FAM181A: variants seen among roughly 807,000 people sequenced by gnomAD.
FAM181A encodes the protein family with sequence similarity 181 member A.
FAM181A carries 7 observed loss-of-function variants against 16.3 expected under a neutral mutation model. That is an observed-to-expected ratio of 0.43 (90% CI 0.24 to 0.81). FAM181A has a LOEUF of 0.81. Among genes scored for constraint, FAM181A ranks in the 30% least tolerant of loss-of-function variants. The pLI is 0.24. For synonymous variants in FAM181A, 183 were observed against 164.9 expected (o/e 1.11, Z -0.84); for missense variants, 349 against 377.5 (o/e 0.92, Z 0.63).
At chr14:93,927,560 A>T in intron 1 of FAM181A, 106 bp downstream of exon 1, 1 of 1,285,736 alleles carries the variant, frequency 7.8e-7, no homozygotes, top group Non-Finnish European at 1.0e-6. Context: ...CCGAGGAGGC[A>T]TGAAATTGCT....
In FAM181A at chr14:93,928,423, G is replaced by A; in HGVS notation, c.138G>A (p.Lys46=). Residue 46 remains lysine (K), a synonymous_variant, in exon 2 of 2, where the codon AAG becomes AAA. Transcript: ENST00000556222. ...GCAAGTACCTGCAGAAGCAGCTCAA[G>A]CGCTTCTCCCAGAAGTATTCCCGGC... ...DHRKYLQKQL[K]RFSQKYSRLP... is the part of the protein sequence containing the mutation. 1 of 1,613,700 alleles carries A rather than the reference G, an allele frequency of 6.2e-7. No homozygotes were observed. The highest frequency in any genetic ancestry group is 8.5e-7 in the Non-Finnish European group (1 of 1,179,838).
At chr14:93,925,178 T>A, upstream of FAM181A, 1 of 1,135,072 alleles carries the variant, frequency 8.8e-7, no homozygotes, top group South Asian at 1.3e-5. Flanking sequence ...GACAGCTTCA[T>A]GAGCGGGCAG....
chr14:93,928,488 T>A lies in FAM181A; in HGVS notation c.203T>A (p.Leu68Gln). The A allele has an allele frequency of 6.2e-7, 1 of 1,610,016 alleles. No individual in the cohort carries two copies. The highest frequency in any genetic ancestry group is 8.5e-7 in the Non-Finnish European group (1 of 1,177,088). Reference protein sequence around the residue: ...GLPGRAAEPYLKRGSEDRPRR... With the variant: ...GLPGRAAEPYQKRGSEDRPRR... ...CCTGGCAGAGCTGCTGAGCCCTACC[T>A]GAAAAGGGGGTCTGAGGACCGGCCC... Residue 68 changes from leucine (L) to glutamine (Q), a missense_variant, in exon 2 of 2, where the codon CTG (leucine) becomes CAG (glutamine). Transcript: ENST00000556222.
intron 1 of FAM181A, chr14:93,927,724 G>A (rs1362206725): frequency 7.5e-6 from 8 of 1,065,388 alleles, no homozygotes; most frequent in Middle Eastern, 3.9e-4. Flanking sequence ...GGTGCTCCTC[G>A]TGCTGGGGGC....
chr14:93,925,632 A>G (rs952944700), upstream of FAM181A, among the ~76,000 whole-genome samples: 2 of 151,898 alleles, frequency 1.3e-5, no homozygotes, highest in African/African-American at 2.4e-5. Context: ...GCTCTCACCC[A>G]TGCAAAGGTT....
chr14:93,924,412 T>C (rs1239337201), upstream of FAM181A, among the ~76,000 whole-genome samples: 2 of 152,228 alleles, frequency 1.3e-5, no homozygotes, highest in East Asian at 3.8e-4. Flanking sequence ...TAATCCCCTC[T>C]CTGCCCAGAC....
chr14:93,924,760 G>A (rs1887840209), upstream of FAM181A, among the ~76,000 whole-genome samples: 1 of 152,248 alleles, frequency 6.6e-6, no homozygotes, highest in Non-Finnish European at 1.5e-5. Context: ...TGGCCAGGCA[G>A]ATCCAACTCA....
At position 93,929,509 on chromosome 14, in the gene FAM181A, A is replaced by G. The variant is rs912324676; in HGVS notation, c.*345A>G. 10 of 318,776 alleles carry G rather than the reference A, an allele frequency of 3.1e-5. No individual in the cohort carries two copies. The highest frequency in any genetic ancestry group is 5.7e-5 in the Non-Finnish European group (10 of 174,984). 19.7% of individuals were successfully genotyped at this position (318,776 alleles called of 1,614,324 possible). A position where few individuals can be genotyped will look rare whatever the true frequency, so the allele number is the denominator to read the frequency against. ...AGACGCATCTGTTTACCTGCCACCC[A>G]CTCTGCGAGCCAATCTCAGTTGTTG... On this transcript the variant is annotated 3_prime_UTR_variant, in exon 2 of 2. Coordinates refer to ENST00000556222, the MANE Select transcript of FAM181A (RefSeq NM_001207073.2).
At chr14:93,925,215 G>T, upstream of FAM181A, 1 of 1,535,506 alleles carries the variant, frequency 6.5e-7, no homozygotes. Flanking sequence ...AGGGCTGCAG[G>T]TGCCGTGGGA....
chr14:93,924,133 C>G (rs1015372883), upstream of FAM181A: 5 of 152,204 alleles, frequency 3.3e-5, no homozygotes, highest in African/African-American at 1.2e-4. Context: ...TAGTAAGAAG[C>G]TACTCTGTGC....
chr14:93,922,737 T>G (rs1292981946), upstream of FAM181A, among the ~76,000 whole-genome samples: 1 of 152,176 alleles, frequency 6.6e-6, no homozygotes, highest in Non-Finnish European at 1.5e-5. Context: ...AGTTGACATC[T>G]CAACTGCTTC....
intron 1 of FAM181A, among the ~76,000 whole-genome samples, chr14:93,921,747 G>A (rs1887734607): frequency 6.6e-6 from 1 of 151,986 alleles, no homozygotes; most frequent in Non-Finnish European, 1.5e-5. Flanking sequence ...GTAGCCCTGG[G>A]CTAGCAAGGC....
intron 1 of FAM181A, among the ~76,000 whole-genome samples, chr14:93,920,027 TA>T (rs1050112905): frequency 1.3e-5 from 2 of 151,452 alleles, no homozygotes; most frequent in African/African-American, 2.4e-5. Flanking sequence ...AAATAAAAAA[TA>T]AAAAAAGAGC....
intron 1 of FAM181A, among the ~76,000 whole-genome samples, chr14:93,921,506 A>C (rs1887722977): frequency 5.3e-5 from 8 of 152,262 alleles, no homozygotes; most frequent in Admixed American, 3.9e-4. Context: ...CCCAGGAAGC[A>C]AGAAGCACGT....
In FAM181A at chr14:93,929,546, C is replaced by G. The variant is rs1216155604; in HGVS notation, c.*382C>G. 1 of 248,394 alleles carries G rather than the reference C, an allele frequency of 4.0e-6. No homozygotes were observed. 15.4% of individuals were successfully genotyped at this position (248,394 alleles called of 1,614,324 possible). A position where few individuals can be genotyped will look rare whatever the true frequency, so the allele number is the denominator to read the frequency against. ...AATCTCAGTTGTTGTTCTTGTTCTTCTTGTTCTTTGTAAATATTGAGAAAG... is the reference window on the plus strand; with the variant it reads ...AATCTCAGTTGTTGTTCTTGTTCTTGTTGTTCTTTGTAAATATTGAGAAAG... On this transcript the variant is annotated 3_prime_UTR_variant, in exon 2 of 2. Coordinates refer to ENST00000556222, the MANE Select transcript of FAM181A (RefSeq NM_001207073.2).
At position 93,929,235 on chromosome 14, in the gene FAM181A, T is replaced by G; in HGVS notation, c.*71T>G. On this transcript the variant is annotated 3_prime_UTR_variant, in exon 2 of 2. Transcript: ENST00000556222. ...TCGAGGTCCCCGAGGCGCTCTCCTGTGAGGAGGTGGCTGGGCCACAGTGTG... is the reference window on the plus strand; with the variant it reads ...TCGAGGTCCCCGAGGCGCTCTCCTGGGAGGAGGTGGCTGGGCCACAGTGTG... The G allele has an allele frequency of 1.3e-6, 2 of 1,487,818 alleles. No homozygotes were observed. Among genetic ancestry groups the G allele is most frequent in the Non-Finnish European group, 1.8e-6 (2 of 1,124,976 alleles). The allele number at this position is 1,487,818 out of a possible 1,614,324, so 92.2% of individuals were successfully genotyped here.
chr14:93,921,297 C>T (rs1887714896), intron 1 of FAM181A, among the ~76,000 whole-genome samples: 1 of 152,210 alleles, frequency 6.6e-6, no homozygotes, highest in African/African-American at 2.4e-5. Context: ...GACTTGATCA[C>T]ATTGATAGTG....
chr14:93,924,842 G>A (rs1176518022), upstream of FAM181A, among the ~76,000 whole-genome samples: 1 of 152,216 alleles, frequency 6.6e-6, no homozygotes, highest in Non-Finnish European at 1.5e-5. Context: ...CCTTGGGAAA[G>A]TAACTCAACC....
upstream of FAM181A, among the ~76,000 whole-genome samples, chr14:93,924,207 A>T (rs560715290): frequency 6.6e-6 from 1 of 152,212 alleles, no homozygotes; most frequent in Non-Finnish European, 1.5e-5. Context: ...GTTAGACTTC[A>T]TCTTTGACTC....
Sources: allele counts gnomAD v4.1 joint callset (sites outside exome capture counted in the v4.1 genomes callset), GRCh38; gene constraint gnomAD v4.1.1; transcripts MANE v1.5; gene names NCBI Gene and HGNC (gene_info 2026-07-23, HGNC 2026-07-21).